The following LCOR variants were observed in gnomAD, a reference collection of about 807,000 sequenced individuals.
LCOR encodes the protein ligand-dependent corepressor.
LCOR carries 14 observed loss-of-function variants against 64.4 expected under a neutral mutation model. The observed-to-expected ratio is 0.22, with a 90% CI of 0.14 to 0.34. The LOEUF (loss-of-function observed/expected upper bound fraction) is 0.34, where lower values mean the gene tolerates loss of function less well. LCOR is among the 10% of genes least tolerant of loss of function. The probability of loss-of-function intolerance (pLI) is 1.00; values close to 1 mark genes in which losing one functional copy is unlikely to be tolerated. For synonymous variants in LCOR, 643 were observed against 642.5 expected (o/e 1.00, Z -0.01); for missense variants, 1,686 against 1,765.3 (o/e 0.96, Z 0.80).
intron 2 of LCOR, among the ~76,000 whole-genome samples, chr10:96,850,347 C>G (rs1845704112): frequency 6.6e-6 from 1 of 151,978 alleles, no homozygotes; most frequent in African/African-American, 2.4e-5. Flanking sequence ...CCCAAGAGTT[C>G]AGTACTGGTC....
intron 2 of LCOR, among the ~76,000 whole-genome samples, chr10:96,876,377 T>A (rs1271383294): frequency 2.6e-5 from 4 of 152,162 alleles, no homozygotes; most frequent in Admixed American, 6.5e-5. Context: ...CATAAACATA[T>A]GAATTTGGGG....
intron 7 of LCOR, chr10:96,956,011 T>A (rs1206999654): frequency 7.9e-6 from 12 of 1,511,526 alleles, no homozygotes; most frequent in Non-Finnish European, 1.1e-5. Flanking sequence ...TAATTTCATT[T>A]ACTGTGACAC....
intron 2 of LCOR, among the ~76,000 whole-genome samples, chr10:96,845,763 G>A (rs765275340): frequency 6.7e-6 from 1 of 150,220 alleles, no homozygotes. Context: ...CACCGCACCC[G>A]GCCAAAATGG....
At position 96,836,438 on chromosome 10, in the gene LCOR, G is replaced by T. The variant is rs1845442944; in HGVS notation, c.-330+2959G>T. On this transcript the variant is annotated intron_variant, in intron 2 of 7. Coordinates refer to ENST00000421806, the MANE Select transcript of LCOR (RefSeq NM_001346516.2). ...TCATTTAGCTGTTTGTATTGATGCT[G>T]TTTTTAGGATGAAGGGCAGTTAGGT... is the stretch of plus-strand genomic sequence containing the variant. 3.9e-5 allele frequency among the ~76,000 whole-genome samples: 6 copies of T among 152,240 alleles called. No homozygotes were observed. The South Asian group carries it at 1.2e-3, about 32-fold the overall frequency.
chr10:96,982,495 G>C lies in LCOR; in HGVS notation c.2035G>C (p.Gly679Arg), dbSNP rs139771197. Residue 679 changes from glycine to arginine, a missense_variant, in exon 8 of 8, where the codon GGG becomes CGG. Coordinates refer to ENST00000421806, the MANE Select transcript of LCOR (RefSeq NM_001346516.2). ...HLLPSTESFSGGVSEDVISRP... is the reference protein window; with the variant it reads ...HLLPSTESFSRGVSEDVISRP... ...CCTTCCCTCCACTGAAAGCTTTTCCGGGGGAGTCAGTGAAGATGTCATTTC... is the reference window on the plus strand; with the variant it reads ...CCTTCCCTCCACTGAAAGCTTTTCCCGGGGAGTCAGTGAAGATGTCATTTC... 1.9e-6 allele frequency: 3 copies of C among 1,614,164 alleles called. No individual in the cohort carries two copies. Among genetic ancestry groups the C allele is most frequent in the South Asian group, 1.1e-5 (1 of 91,072 alleles).
rs533278576 is a variant in LCOR, at chr10:96,950,611, A to G, written c.238+1316A>G. Among the ~76,000 whole-genome samples, 6 of 152,266 alleles carry G rather than the reference A, an allele frequency of 3.9e-5. No individual in the cohort carries two copies. In the East Asian group the frequency reaches 1.2e-3, roughly 29 times the overall value. On this transcript the variant is annotated intron_variant, in intron 6 of 7. Transcript: ENST00000421806. ...TGTTATAACTAATGTTACACTTAAGAGATCAATACATTGTATTGACAGCAT... is the reference window on the plus strand; with the variant it reads ...TGTTATAACTAATGTTACACTTAAGGGATCAATACATTGTATTGACAGCAT...
chr10:96,974,950 C>T (rs995282780), intron 7 of LCOR, among the ~76,000 whole-genome samples: 4 of 152,206 alleles, frequency 2.6e-5, no homozygotes, highest in Non-Finnish European at 4.4e-5. Flanking sequence ...TGGTGGATCA[C>T]CTGAGGTCAG....
chr10:96,840,394 T>C (rs1159238703), intron 2 of LCOR, among the ~76,000 whole-genome samples: 2 of 152,244 alleles, frequency 1.3e-5, no homozygotes, highest in Admixed American at 6.5e-5. Flanking sequence ...TGTTGTATCT[T>C]TACTATAATG....
intron 7 of LCOR, chr10:96,963,800 C>G (rs550807009): frequency 6.6e-6 from 1 of 152,292 alleles, no homozygotes; most frequent in East Asian, 1.9e-4. Context: ...GATTATTTCT[C>G]TGCTTTAATA....
intron 2 of LCOR, among the ~76,000 whole-genome samples, chr10:96,901,986 G>GA (rs1430274316): frequency 6.6e-6 from 1 of 152,122 alleles, no homozygotes; most frequent in Non-Finnish European, 1.5e-5. Flanking sequence ...TGTCCATACT[G>GA]ATAGTAGGAC....
intron 7 of LCOR, chr10:96,961,166 T>C (rs1847873204): frequency 6.6e-6 from 1 of 152,144 alleles, no homozygotes; most frequent in South Asian, 2.1e-4. Flanking sequence ...CTTGATTTGA[T>C]AGAAAAATCT....
In LCOR at chr10:96,981,765, G is replaced by A. The variant is rs752106513; in HGVS notation, c.1305G>A (p.Ala435=). The change falls in exon 8 of 8, where the codon GCG becomes GCA. Residue 435 remains alanine (A), a synonymous_variant. Transcript: ENST00000421806. Reference sequence around the variant, plus strand: ...GCCCTATGCCAGCTGTACACAAAGCGGCAAATGGACACTCAAGAACCAAGA... The same window carrying A: ...GCCCTATGCCAGCTGTACACAAAGCAGCAAATGGACACTCAAGAACCAAGA... ...GPGPMPAVHK[A]ANGHSRTKMI... The A allele has an allele frequency of 3.8e-5, 61 of 1,614,004 alleles. No homozygotes were observed. The highest frequency in any genetic ancestry group is 1.1e-4 in the African/African-American group (8 of 74,912).
intron 7 of LCOR, among the ~76,000 whole-genome samples, chr10:96,980,318 G>GTA (rs1848073197): frequency 6.6e-6 from 1 of 152,138 alleles, no homozygotes; most frequent in Admixed American, 6.5e-5. Flanking sequence ...ACCAACCAGA[G>GTA]TTAATAGTGT....
At chr10:96,972,005 C>G (rs1848003658) in intron 7 of LCOR, among the ~76,000 whole-genome samples, 1 of 152,000 alleles carries the variant, frequency 6.6e-6, no homozygotes. Context: ...CCCAGAACAT[C>G]TCCAGCTGTA....
intron 4 of LCOR, among the ~76,000 whole-genome samples, chr10:96,910,074 A>G (rs1846802333): frequency 6.6e-6 from 1 of 152,132 alleles, no homozygotes; most frequent in African/African-American, 2.4e-5. Context: ...TGAGGGTAAA[A>G]TATTGTATGA....
At chr10:96,836,341 C>T (rs1217435110) in intron 2 of LCOR, among the ~76,000 whole-genome samples, 1 of 152,060 alleles carries the variant, frequency 6.6e-6, no homozygotes, top group Admixed American at 6.6e-5. Context: ...AGGCTGGTCT[C>T]AAACTCCTCC....
Position 96,993,055 on chromosome 10 carries a change from T to G in LCOR, c.*7921T>G, listed in dbSNP as rs963723717. 1 of 152,198 alleles carries G rather than the reference T, an allele frequency of 6.6e-6. No homozygotes were observed. The highest frequency in any genetic ancestry group is 1.5e-5 in the Non-Finnish European group (1 of 68,056). 9.4% of individuals were successfully genotyped at this position (152,198 alleles called of 1,614,324 possible). ...TCAGCTTTACTTCTCAGGAGTCCTG[T>G]CCTACAATTCAGAGCACCCCTAGAT... On this transcript the variant is annotated 3_prime_UTR_variant, in exon 8 of 8. Coordinates refer to ENST00000421806, the MANE Select transcript of LCOR (RefSeq NM_001346516.2).
Position 96,836,650 on chromosome 10 carries a change from G to GAAA in LCOR, c.-330+3172_-330+3174dup, listed in dbSNP as rs533390590. On this transcript the variant is annotated intron_variant, in intron 2 of 7. Coordinates refer to ENST00000421806, the MANE Select transcript of LCOR (RefSeq NM_001346516.2). ...GCAAATGCTAGGGGTGTTTAGAAGT[G>GAAA]AAATCTCTCCCGAGTTGATGGACGA... 2.7e-4 allele frequency among the ~76,000 whole-genome samples: 41 copies of GAAA among 152,320 alleles called. 1 individual carries two copies. The South Asian group carries it at 8.3e-3, about 31-fold the overall frequency.
At chr10:96,960,594 T>C (rs1316065431) in intron 7 of LCOR, 3 of 152,190 alleles carry the variant, frequency 2.0e-5, no homozygotes, top group East Asian at 1.9e-4. Context: ...TTGAAAGTTA[T>C]AGGTTAAATT....
Sources: allele counts gnomAD v4.1 joint callset (sites outside exome capture counted in the v4.1 genomes callset), GRCh38; gene constraint gnomAD v4.1.1; transcripts MANE v1.5; gene names NCBI Gene and HGNC (gene_info 2026-07-23, HGNC 2026-07-21).